The following SLCO1A2 variants were observed in gnomAD, a reference collection of about 807,000 sequenced individuals.
SLCO1A2 encodes the protein solute carrier organic anion transporter family member 1A2.
A neutral mutation model predicts 69.0 loss-of-function variants in SLCO1A2; 67 were observed. The ratio of observed to expected loss-of-function variants is 0.97; its 90% CI spans 0.80 to 1.19. SLCO1A2 has a LOEUF of 1.19. SLCO1A2 is among the 50% of genes most tolerant of loss of function. The probability of loss-of-function intolerance (pLI) is 0.00; values close to 1 mark genes in which losing one functional copy is unlikely to be tolerated. For missense variants in SLCO1A2, 787 were observed against 793.7 expected (o/e 0.99, Z 0.10); for synonymous variants, 260 against 265.9 (o/e 0.98, Z 0.22).
chr12:21,408,037 A>G (rs930189247), intron 1 of SLCO1A2, among the ~76,000 whole-genome samples: 7 of 152,236 alleles, frequency 4.6e-5, no homozygotes, highest in Admixed American at 4.6e-4. Flanking sequence ...AAGTCTTTCT[A>G]TAGGGGGAAT....
intron 1 of SLCO1A2, among the ~76,000 whole-genome samples, chr12:21,385,028 G>A (rs1018806021): frequency 2.0e-5 from 3 of 152,096 alleles, no homozygotes; most frequent in African/African-American, 7.2e-5. Flanking sequence ...GCCTCCCAAA[G>A]TGCTGGGATT....
chr12:21,363,422 A>G (rs994526014), intron 2 of SLCO1A2, among the ~76,000 whole-genome samples: 3 of 152,212 alleles, frequency 2.0e-5, no homozygotes, highest in Admixed American at 6.5e-5. Context: ...TTATAGCACT[A>G]AATGCCCACA....
chr12:21,319,005 C>T (rs758531127), intron 2 of SLCO1A2, 82 bp from the exon 3 acceptor site: 4 of 1,033,298 alleles, frequency 3.9e-6, no homozygotes, highest in African/African-American at 1.6e-5. Context: ...TGCCTTCCAC[C>T]ATAAGACTGA....
At chr12:21,412,805 T>A (rs1352864640) in intron 1 of SLCO1A2, among the ~76,000 whole-genome samples, 1 of 152,128 alleles carries the variant, frequency 6.6e-6, no homozygotes, top group Non-Finnish European at 1.5e-5. Context: ...CATTAATAAA[T>A]GCCATGATCA....
intron 12 of SLCO1A2, among the ~76,000 whole-genome samples, chr12:21,280,702 CAAAG>C (rs1238721835): frequency 1.5e-5 from 2 of 133,228 alleles, no homozygotes; most frequent in Non-Finnish European, 3.2e-5. Context: ...AATAAATAAA[CAAAG>C]AAACATTGGA....
At chr12:21,396,988 C>T (rs1178419548), upstream of SLCO1A2, among the ~76,000 whole-genome samples, 1 of 150,896 alleles carries the variant, frequency 6.6e-6, no homozygotes, top group Non-Finnish European at 1.5e-5. Context: ...AACCAGCTAA[C>T]ATCATAATGA....
intron 2 of SLCO1A2, among the ~76,000 whole-genome samples, chr12:21,349,937 C>G (rs1937793644): frequency 2.0e-5 from 3 of 152,182 alleles, no homozygotes; most frequent in Admixed American, 1.3e-4. Context: ...AAAGTAGAAA[C>G]TTGATCTGCC....
rs550840774 is a variant in SLCO1A2, at chr12:21,349,280, A to AG, written c.-62-14572dup. 4.4e-3 allele frequency among the ~76,000 whole-genome samples: 663 copies of AG among 152,214 alleles called. 2 individuals carry two copies. Among genetic ancestry groups the AG allele is most frequent in the Non-Finnish European group, 7.0e-3 (479 of 67,998 alleles). ...AGAGAAGAGAACAGGAAAGTTGGGG[A>AG]GGGGGAAAGATAGAGACTCTTAAGA... is the stretch of plus-strand genomic sequence containing the variant. On this transcript the variant is annotated intron_variant, in intron 2 of 15. Transcript: ENST00000307378.
chr12:21,418,555 CAA>C (rs1327663909), upstream of SLCO1A2, among the ~76,000 whole-genome samples: 6 of 152,184 alleles, frequency 3.9e-5, no homozygotes, highest in East Asian at 1.2e-3. Flanking sequence ...TTGCGGCAGA[CAA>C]GAGAGAATGA....
intron 9 of SLCO1A2, among the ~76,000 whole-genome samples, chr12:21,296,913 G>A (rs1357057721): frequency 6.6e-6 from 1 of 152,128 alleles, no homozygotes; most frequent in Non-Finnish European, 1.5e-5. Flanking sequence ...ACCCAAGTTA[G>A]GCTAAAACCA....
chr12:21,274,432 G>A (rs369367416), intron 14 of SLCO1A2, 37 bp downstream of exon 14: 2 of 1,372,202 alleles, frequency 1.5e-6, no homozygotes, highest in Non-Finnish European at 2.1e-6. Context: ...CACAGTCTAT[G>A]CTTATAAAAC....
intron 2 of SLCO1A2, among the ~76,000 whole-genome samples, chr12:21,330,961 A>C (rs1340337627): frequency 6.6e-6 from 1 of 152,156 alleles, no homozygotes; most frequent in Non-Finnish European, 1.5e-5. Context: ...TTAGGACAAA[A>C]ATTCATCATG....
At chr12:21,272,289 A>G (rs1330881929) in intron 14 of SLCO1A2, among the ~76,000 whole-genome samples, 1 of 151,846 alleles carries the variant, frequency 6.6e-6, no homozygotes, top group Non-Finnish European at 1.5e-5. Flanking sequence ...ATTTATCTGT[A>G]TATTCAATTA....
At chr12:21,319,386 C>G in intron 2 of SLCO1A2, 1 of 1,368,012 alleles carries the variant, frequency 7.3e-7, no homozygotes, top group Non-Finnish European at 9.8e-7. Flanking sequence ...GCCGACTCCA[C>G]TCTTTCCTGT....
chr12:21,378,239 A>G (rs749463838), intron 1 of SLCO1A2: 2 of 1,614,126 alleles, frequency 1.2e-6, no homozygotes, highest in South Asian at 2.2e-5. Flanking sequence ...GTTACCAGTC[A>G]TCAGGTGGAA....
intron 14 of SLCO1A2, among the ~76,000 whole-genome samples, chr12:21,273,340 A>G (rs1943212050): frequency 6.6e-6 from 1 of 152,082 alleles, no homozygotes; most frequent in South Asian, 2.1e-4. Flanking sequence ...TACTGTTCCA[A>G]CATCCTTGAA....
intron 1 of SLCO1A2, among the ~76,000 whole-genome samples, chr12:21,384,326 T>G (rs552587302): frequency 2.9e-4 from 44 of 152,302 alleles, no homozygotes; most frequent in African/African-American, 1.1e-3. Context: ...TAAATGAGAT[T>G]TGCATAAGTA....
chr12:21,339,538 A>T (rs900197958), upstream of SLCO1A2, among the ~76,000 whole-genome samples: 8 of 151,908 alleles, frequency 5.3e-5, no homozygotes, highest in Admixed American at 5.3e-4. Flanking sequence ...CAAGGTCCTG[A>T]TAGGAAAATA....
intron 1 of SLCO1A2, among the ~76,000 whole-genome samples, chr12:21,411,993 T>C (rs571559033): frequency 3.3e-5 from 5 of 152,320 alleles, no homozygotes; most frequent in South Asian, 4.1e-4. Flanking sequence ...GTTTCATCCA[T>C]GAACATGATA....
Sources: allele counts gnomAD v4.1 joint callset (sites outside exome capture counted in the v4.1 genomes callset), GRCh38; gene constraint gnomAD v4.1.1; transcripts MANE v1.5; gene names NCBI Gene and HGNC (gene_info 2026-07-23, HGNC 2026-07-21).